EDIL3: variants seen among roughly 807,000 people sequenced by gnomAD.
The protein encoded by EDIL3 is EGF-like repeat and discoidin I-like domain-containing protein 3.
Under a neutral mutation model 67.4 loss-of-function variants are expected in EDIL3, and 37 were observed. The ratio of observed to expected loss-of-function variants is 0.55; its 90% CI spans 0.42 to 0.72. EDIL3 has a LOEUF of 0.72. EDIL3 is among the 30% of genes least tolerant of loss of function. The pLI is 0.00. For missense variants in EDIL3, 527 were observed against 586.3 expected, an observed-to-expected ratio of 0.90 and a Z score of 1.04; for synonymous variants, 195 against 196.3, an observed-to-expected ratio of 0.99 and a Z score of 0.05.
Position 83,954,546 on chromosome 5 carries a change from T to C in EDIL3, c.1293+8659A>G, listed in dbSNP as rs575683992. Among the ~76,000 whole-genome samples, 7 of 151,800 alleles carry C rather than the reference T, an allele frequency of 4.6e-5. No individual in the cohort carries two copies. In the East Asian group the frequency reaches 1.2e-3, roughly 26 times the overall value. ...GAGCCTTCTCCCTCCTTGACTTCCA[T>C]CATGAGTAAAAAAAGCTTCCTGATG... On this transcript the variant is annotated intron_variant, in intron 10 of 10. Coordinates refer to ENST00000296591, the MANE Select transcript of EDIL3 (RefSeq NM_005711.5).
At chr5:84,161,595 ATAAAAAT>A (rs1174492598) in intron 4 of EDIL3, among the ~76,000 whole-genome samples, 1 of 152,094 alleles carries the variant, frequency 6.6e-6, no homozygotes, top group Non-Finnish European at 1.5e-5. Context: ...TTTCTAGGTA[ATAAAAAT>A]GCCCTAAGCT....
At chr5:84,220,118 T>A (rs1023513037) in intron 3 of EDIL3, among the ~76,000 whole-genome samples, 1 of 152,288 alleles carries the variant, frequency 6.6e-6, no homozygotes, top group Non-Finnish European at 1.5e-5. Flanking sequence ...TATAATTGGA[T>A]CATTTCTAAC....
At chr5:84,055,928 A>C (rs545375841) in intron 9 of EDIL3, among the ~76,000 whole-genome samples, 1 of 152,304 alleles carries the variant, frequency 6.6e-6, no homozygotes, top group African/African-American at 2.4e-5. Context: ...TAGAACTACA[A>C]ATATCATTTG....
At chr5:84,378,400 T>G (rs1036968608) in intron 1 of EDIL3, among the ~76,000 whole-genome samples, 1 of 152,168 alleles carries the variant, frequency 6.6e-6, no homozygotes, top group Non-Finnish European at 1.5e-5. Flanking sequence ...CCCAACTGCA[T>G]GTACCCAGTT....
intron 9 of EDIL3, among the ~76,000 whole-genome samples, chr5:83,969,504 C>A (rs967444174): frequency 6.6e-6 from 1 of 151,714 alleles, no homozygotes; most frequent in Non-Finnish European, 1.5e-5. Context: ...AATTTTTAAC[C>A]AATCCCTTGT....
At chr5:84,172,914 G>A (rs1185349982) in intron 4 of EDIL3, among the ~76,000 whole-genome samples, 2 of 152,070 alleles carry the variant, frequency 1.3e-5, no homozygotes, top group Admixed American at 6.5e-5. Context: ...ACTGCCACTG[G>A]GCAGCTCTGT....
At chr5:84,161,983 T>C (rs1298605970) in intron 4 of EDIL3, among the ~76,000 whole-genome samples, 5 of 152,114 alleles carry the variant, frequency 3.3e-5, no homozygotes, top group South Asian at 4.1e-4. Context: ...AACCCACTCT[T>C]CTCTACAGAT....
intron 3 of EDIL3, among the ~76,000 whole-genome samples, chr5:84,211,753 T>G (rs1232338859): frequency 6.6e-6 from 1 of 152,200 alleles, no homozygotes; most frequent in Non-Finnish European, 1.5e-5. Flanking sequence ...ATGCCTTGAC[T>G]TCAGACTTCT....
intron 7 of EDIL3, 87 bp downstream of exon 7, chr5:84,066,364 G>A: frequency 7.2e-6 from 10 of 1,388,684 alleles, no homozygotes; most frequent in Non-Finnish European, 9.5e-6. Flanking sequence ...ATCAACATAA[G>A]TCTTCTCCTG....
chr5:84,312,006 G>A (rs1054177418), intron 1 of EDIL3, among the ~76,000 whole-genome samples: 20 of 152,200 alleles, frequency 1.3e-4, no homozygotes, highest in Non-Finnish European at 2.6e-4. Flanking sequence ...TCCTTTCCCC[G>A]CCTTTCCCCA....
chr5:83,952,265 G>A lies in EDIL3; in HGVS notation c.1294-8697C>T, dbSNP rs377090363. Among the ~76,000 whole-genome samples, 183 of 151,856 alleles carry A rather than the reference G, an allele frequency of 1.2e-3. 5 individuals carry two copies. In the South Asian group the frequency reaches 0.036, roughly 30 times the overall value. ...AGCTTGCTGTCATTTAGAATGTAGAGTCTAAAAGCCAGTAGGTAGGATACA... is the reference window on the plus strand; with the variant it reads ...AGCTTGCTGTCATTTAGAATGTAGAATCTAAAAGCCAGTAGGTAGGATACA... On this transcript the variant is annotated intron_variant, in intron 10 of 10. Coordinates refer to ENST00000296591, the MANE Select transcript of EDIL3 (RefSeq NM_005711.5).
intron 9 of EDIL3, among the ~76,000 whole-genome samples, chr5:84,001,022 T>C (rs1236977780): frequency 6.6e-6 from 1 of 151,970 alleles, no homozygotes; most frequent in Non-Finnish European, 1.5e-5. Flanking sequence ...AGCACTTACA[T>C]CAAAAAAGCA....
chr5:84,383,078 G>C (rs886382820), intron 1 of EDIL3, among the ~76,000 whole-genome samples: 7 of 152,230 alleles, frequency 4.6e-5, no homozygotes, highest in African/African-American at 1.7e-4. Flanking sequence ...AAGTGGACTG[G>C]AGTCAACGCA....
intron 9 of EDIL3, among the ~76,000 whole-genome samples, chr5:84,058,813 T>A (rs1746493121): frequency 6.6e-6 from 1 of 152,208 alleles, no homozygotes; most frequent in African/African-American, 2.4e-5. Flanking sequence ...TCATGTTATA[T>A]GATGCTTTCT....
At chr5:84,166,834 A>G (rs1748712602) in intron 4 of EDIL3, among the ~76,000 whole-genome samples, 1 of 152,090 alleles carries the variant, frequency 6.6e-6, no homozygotes, top group Non-Finnish European at 1.5e-5. Context: ...TATCTAGCAA[A>G]GAGGAGGCCA....
intron 9 of EDIL3, among the ~76,000 whole-genome samples, chr5:84,057,876 A>T (rs1255910275): frequency 6.6e-6 from 1 of 152,186 alleles, no homozygotes; most frequent in Non-Finnish European, 1.5e-5. Flanking sequence ...AAGTCAGGAC[A>T]GGCATGGTCT....
chr5:84,182,190 G>A (rs1338573774), intron 3 of EDIL3, among the ~76,000 whole-genome samples: 1 of 151,852 alleles, frequency 6.6e-6, no homozygotes, highest in Non-Finnish European at 1.5e-5. Context: ...ACTTTCAGAG[G>A]CTGAGGCGGG....
At chr5:84,214,724 T>C (rs1744191509) in intron 3 of EDIL3, among the ~76,000 whole-genome samples, 2 of 142,468 alleles carry the variant, frequency 1.4e-5, no homozygotes, top group Admixed American at 1.4e-4. Flanking sequence ...GTGTGGTTTG[T>C]TTTTTTTTTT....
At chr5:84,238,585 C>T (rs2112054302) in intron 2 of EDIL3, among the ~76,000 whole-genome samples, 1 of 149,192 alleles carries the variant, frequency 6.7e-6, no homozygotes, top group Non-Finnish European at 1.5e-5. Flanking sequence ...TAATGTGCTA[C>T]TGCCTTTATG....
Sources: allele counts gnomAD v4.1 joint callset (sites outside exome capture counted in the v4.1 genomes callset), GRCh38; gene constraint gnomAD v4.1.1; transcripts MANE v1.5; gene names NCBI Gene and HGNC (gene_info 2026-07-23, HGNC 2026-07-21).